The following ARAP2 variants were observed in gnomAD, a reference collection of about 807,000 sequenced individuals.
ARAP2 encodes arf-GAP with Rho-GAP domain, ANK repeat and PH domain-containing protein 2.
A neutral mutation model predicts 194.5 loss-of-function variants in ARAP2; 148 were observed. That is an observed-to-expected ratio of 0.76 (90% CI 0.67 to 0.87). ARAP2 has a LOEUF of 0.87. Among genes scored for constraint, ARAP2 ranks in the 40% least tolerant of loss-of-function variants. The probability of loss-of-function intolerance (pLI) is 0.00; values close to 1 mark genes in which losing one functional copy is unlikely to be tolerated. For synonymous variants in ARAP2, 695 were observed against 683.5 expected, an observed-to-expected ratio of 1.02 and a Z score of -0.26; for missense variants, 2,128 against 1,989.7, an observed-to-expected ratio of 1.07 and a Z score of -1.32.
intron 19 of ARAP2, among the ~76,000 whole-genome samples, chr4:36,134,911 C>G (rs1475329246): frequency 1.3e-5 from 2 of 151,630 alleles, no homozygotes; most frequent in Non-Finnish European, 2.9e-5. Context: ...CTCAATCTTT[C>G]ACTGATGGCT....
At chr4:36,005,986 T>C (rs549248608) in intron 10 of ARAP2, 3 of 152,318 alleles carry the variant, frequency 2.0e-5, no homozygotes, top group Admixed American at 6.5e-5. Flanking sequence ...TTCCTTCCAA[T>C]TGTTGATTCT....
At chr4:36,178,380 T>C (rs1738455188) in intron 8 of ARAP2, among the ~76,000 whole-genome samples, 2 of 152,166 alleles carry the variant, frequency 1.3e-5, no homozygotes, top group African/African-American at 2.4e-5. Context: ...TTTCTTTTAA[T>C]AGAAGAATGT....
intron 7 of ARAP2, among the ~76,000 whole-genome samples, chr4:36,190,411 G>A (rs1023251633): frequency 4.1e-4 from 63 of 152,100 alleles, no homozygotes; most frequent in African/African-American, 1.4e-3. Context: ...CACCTTTCAT[G>A]TAGTTAATAC....
chr4:36,036,251 T>C (rs567493016), intron 5 of ARAP2, among the ~76,000 whole-genome samples: 7 of 152,260 alleles, frequency 4.6e-5, no homozygotes, highest in African/African-American at 1.2e-4. Flanking sequence ...AATGGTTCTA[T>C]AGATTATTTG....
chr4:36,219,013 C>T (rs1346783486), intron 2 of ARAP2, among the ~76,000 whole-genome samples: 1 of 152,108 alleles, frequency 6.6e-6, no homozygotes, highest in Non-Finnish European at 1.5e-5. Flanking sequence ...TCATGAAATG[C>T]AAATGTAAAC....
intron 6 of ARAP2, among the ~76,000 whole-genome samples, chr4:36,208,494 G>C (rs1327823836): frequency 6.6e-6 from 1 of 152,154 alleles, no homozygotes; most frequent in East Asian, 1.9e-4. Context: ...ATGGAGTTTG[G>C]AATCCCATCT....
chr4:36,168,966 T>A (rs1735940211), intron 9 of ARAP2, among the ~76,000 whole-genome samples: 1 of 152,214 alleles, frequency 6.6e-6, no homozygotes, highest in Non-Finnish European at 1.5e-5. Flanking sequence ...GATTATTATT[T>A]TTTTTAAATT....
intron 8 of ARAP2, among the ~76,000 whole-genome samples, chr4:36,184,677 T>A (rs897512952): frequency 3.9e-5 from 6 of 152,332 alleles, no homozygotes; most frequent in African/African-American, 1.4e-4. Flanking sequence ...TCATACAAGT[T>A]GGAAGCTGTA....
intron 5 of ARAP2, among the ~76,000 whole-genome samples, chr4:36,022,395 A>G (rs1431884939): frequency 6.6e-6 from 1 of 152,188 alleles, no homozygotes; most frequent in Non-Finnish European, 1.5e-5. Flanking sequence ...ATCTTACCCA[A>G]CATAACGGCA....
intron 11 of ARAP2, among the ~76,000 whole-genome samples, chr4:36,164,635 C>G (rs1345071482): frequency 1.3e-5 from 2 of 152,166 alleles, no homozygotes; most frequent in Non-Finnish European, 2.9e-5. Flanking sequence ...CTAAAACATA[C>G]TCACCTAAAA....
chr4:36,226,201 T>C (rs1750269815), intron 2 of ARAP2, among the ~76,000 whole-genome samples: 1 of 152,042 alleles, frequency 6.6e-6, no homozygotes, highest in Admixed American at 6.6e-5. Context: ...AATTATTTAC[T>C]ACTAATTTTA....
intron 29 of ARAP2, among the ~76,000 whole-genome samples, chr4:36,083,031 C>T (rs1241078424): frequency 6.6e-6 from 1 of 152,056 alleles, no homozygotes; most frequent in Non-Finnish European, 1.5e-5. Flanking sequence ...CTGAGATGCC[C>T]TCAGGTTGTG....
In ARAP2 at chr4:36,066,458, C is replaced by T. The variant is rs779212830; in HGVS notation, c.*1449G>A. ...TTATCACCCCAAAATACAAATGATC[C>T]GTATTTTACAATGAAGAAATTCATA... is the stretch of plus-strand genomic sequence containing the variant. On this transcript the variant is annotated 3_prime_UTR_variant, in exon 33 of 33. Coordinates refer to ENST00000303965, the MANE Select transcript of ARAP2 (RefSeq NM_015230.4). The T allele has an allele frequency of 9.9e-5, 15 of 151,822 alleles. No individual in the cohort carries two copies. The highest frequency in any genetic ancestry group is 1.4e-4 in the African/African-American group (6 of 41,412). The allele number at this position is 151,822 out of a possible 1,614,324, so 9.4% of individuals were successfully genotyped here.
chr4:36,129,857 A>ACC lies in ARAP2; in HGVS notation c.3428-1114_3428-1113dup, dbSNP rs1165931157. Among the ~76,000 whole-genome samples the ACC allele has an allele frequency of 1.5e-4, 23 of 151,472 alleles. 1 individual carries two copies. The highest frequency in any genetic ancestry group is 7.9e-4 in the Admixed American group (12 of 15,148). On this transcript the variant is annotated intron_variant, in intron 20 of 32. Coordinates refer to ENST00000303965, the MANE Select transcript of ARAP2 (RefSeq NM_015230.4). ...ATACATGCAACATACACACACACAC[A>ACC]CCCATACATCTTATGGCAAATCAAA...
chr4:36,015,735 T>G (rs1180258082), intron 7 of ARAP2: 1 of 152,160 alleles, frequency 6.6e-6, no homozygotes, highest in East Asian at 1.9e-4. Context: ...CCAAATTCAA[T>G]AGATGGAAAA....
intron 6 of ARAP2, among the ~76,000 whole-genome samples, chr4:36,198,259 G>A (rs1224454401): frequency 1.3e-5 from 2 of 152,202 alleles, no homozygotes; most frequent in African/African-American, 4.8e-5. Context: ...TCGTCCTGAT[G>A]TCTGCGCAGC....
At position 36,164,997 on chromosome 4, in the gene ARAP2, T is replaced by C; in HGVS notation, c.2090A>G (p.Asn697Ser). The change falls in exon 11 of 33, where the codon AAC (asparagine) becomes AGC (serine). Residue 697 changes from asparagine (N) to serine (S), a missense_variant. Physicochemically the swap from Asn to Ser is conservative, Grantham distance 46. Transcript: ENST00000303965. The stretch of plus-strand genomic sequence containing the variant: ...GGCTTTACAATCTGCACAGCTCCTG[T>C]TGGATTCATTGAACCAAATCTTCTC... Reference protein sequence around the residue: ...VAEKIWFNESNRSCADCKAPD... With the variant: ...VAEKIWFNESSRSCADCKAPD... The C allele has an allele frequency of 6.2e-7, 1 of 1,614,134 alleles. No homozygotes were observed. Among genetic ancestry groups the C allele is most frequent in the Non-Finnish European group, 8.5e-7 (1 of 1,179,966 alleles).
intron 9 of ARAP2, among the ~76,000 whole-genome samples, chr4:36,174,078 T>C (rs758485856): frequency 1.3e-5 from 2 of 152,222 alleles, no homozygotes; most frequent in Non-Finnish European, 2.9e-5. Context: ...AGCAGAGATC[T>C]TGTGGGTTAC....
In ARAP2 at chr4:36,018,902, T is replaced by TA. The variant is rs1420654576; in HGVS notation, n.750+241_750+242insT. Among the ~76,000 whole-genome samples, 42 of 150,030 alleles carry TA rather than the reference T, an allele frequency of 2.8e-4. 1 individual carries two copies. Among genetic ancestry groups the TA allele is most frequent in the African/African-American group, 1.0e-3 (40 of 39,374 alleles). ...GAAGGTAGATAGGGTTGAATCTTTT[T>TA]GAACAATGTGGATGAGGTCAACATC... On this transcript the variant is annotated intron_variant and non_coding_transcript_variant, in intron 6 of 12. Coordinates refer to the ARAP2 transcript ENST00000503225.
Sources: gnomAD v4.1 joint callset for allele counts (sites outside exome capture counted in the v4.1 genomes callset) on GRCh38, gnomAD v4.1.1 for gene constraint, MANE v1.5 for transcripts, NCBI Gene and HGNC (gene_info 2026-07-23, HGNC 2026-07-21) for gene names.